Variants in ANKS1B observed in about 807,000 individuals in gnomAD.
ANKS1B encodes ankyrin repeat and sterile alpha motif domain-containing protein 1B.
Under a neutral mutation model 148.3 loss-of-function variants are expected in ANKS1B, and 36 were observed. The observed-to-expected ratio is 0.24, with a 90% CI of 0.19 to 0.32. The LOEUF (loss-of-function observed/expected upper bound fraction) is 0.32. Ranked by LOEUF, ANKS1B falls within the 10% of genes least tolerant of loss-of-function variation. ANKS1B has a pLI of 1.00. For missense variants in ANKS1B, 1,157 were observed against 1,542.6 expected (o/e 0.75, Z 4.19); for synonymous variants, 542 against 560.8 (o/e 0.97, Z 0.47).
intron 11 of ANKS1B, among the ~76,000 whole-genome samples, chr12:99,409,161 T>C (rs55671602): frequency 0.084 from 12,790 of 152,216 alleles, 1,603 homozygotes; most frequent in African/African-American, 0.27. Flanking sequence ...GGCATACTAT[T>C]CGGCTATAAA....
chr12:99,394,312 C>T (rs2094172154), intron 12 of ANKS1B, among the ~76,000 whole-genome samples: 1 of 152,144 alleles, frequency 6.6e-6, no homozygotes, highest in African/African-American at 2.4e-5. Flanking sequence ...TCTGTTCATG[C>T]TCCTGTCCAA....
At chr12:98,879,206 G>A (rs1029966292) in intron 17 of ANKS1B, among the ~76,000 whole-genome samples, 1 of 152,184 alleles carries the variant, frequency 6.6e-6, no homozygotes, top group South Asian at 2.1e-4. Flanking sequence ...ATAAGTACAG[G>A]AAACTTCATA....
chr12:99,768,838 A>C (rs1384794511), intron 8 of ANKS1B, among the ~76,000 whole-genome samples: 5 of 150,034 alleles, frequency 3.3e-5, no homozygotes, highest in African/African-American at 7.4e-5. Flanking sequence ...AAAAAAAAAA[A>C]AAAAAAAAAA....
rs372408713 is a variant in ANKS1B at position 98,751,480 on chromosome 12, C to T, written c.3622G>A (p.Glu1208Lys). 1.9e-6 allele frequency: 3 copies of T among 1,613,796 alleles called. No individual in the cohort carries two copies. Among genetic ancestry groups the T allele is most frequent in the African/African-American group, 1.3e-5 (1 of 74,882 alleles). The part of the protein sequence containing the change: ...EIILTLGQAF[E>K]VAYQLALQAR... ...TGTAGTGCTAGCTGGTAAGCGACTT[C>T]GAATGCCTGTCCCAGGGTTAGGATG... The change falls in exon 26 of 27, where the codon GAA becomes AAA. Residue 1208 changes from glutamate to lysine, a missense_variant. Around this residue, in one of 6 missense-constraint regions of ANKS1B, gnomAD observed 258 missense variants for 497.0 expected, o/e 0.52. Coordinates refer to ENST00000683438, the MANE Select transcript of ANKS1B (RefSeq NM_001352186.2). The surrounding 1 kb of genome is among the most constrained non-coding windows in gnomAD (Gnocchi z 4.3).
chr12:99,154,668 G>A lies in ANKS1B; in HGVS notation c.2420-273C>T, dbSNP rs1157502658. 9 of 1,438,318 alleles carry A rather than the reference G, an allele frequency of 6.3e-6. No individual in the cohort carries two copies. The Admixed American group carries it at 2.3e-4, about 36-fold the overall frequency. The allele number at this position is 1,438,318 out of a possible 1,614,324, so 89.1% of individuals were successfully genotyped here. A position where few individuals can be genotyped will look rare whatever the true frequency, so the allele number is the denominator to read the frequency against. ...TTACTACCGACCAGTACGTCATACA[G>A]CCCCCAAAACCAGGCAGCAGAAGAA... On this transcript the variant is annotated intron_variant, in intron 14 of 26. Coordinates refer to ENST00000683438, the MANE Select transcript of ANKS1B (RefSeq NM_001352186.2).
chr12:99,887,903 C>T (rs533722001), intron 1 of ANKS1B, among the ~76,000 whole-genome samples: 1 of 152,152 alleles, frequency 6.6e-6, no homozygotes, highest in South Asian at 2.1e-4. Flanking sequence ...AAACCAGGTA[C>T]AGAATGGTGG....
At chr12:99,617,819 C>A (rs12304756) in intron 9 of ANKS1B, among the ~76,000 whole-genome samples, 2,348 of 147,530 alleles carry the variant, frequency 0.016, 60 homozygotes, top group African/African-American at 0.054. Context: ...AAAAAAAAAA[C>A]AAAACAAAGC....
intron 1 of ANKS1B, among the ~76,000 whole-genome samples, chr12:99,918,952 A>T (rs2094260378): frequency 6.6e-6 from 1 of 152,190 alleles, no homozygotes; most frequent in African/African-American, 2.4e-5. Flanking sequence ...TTAACAGGAT[A>T]AGTTCAAGGT....
At position 99,445,254 on chromosome 12, in the gene ANKS1B, A is replaced by C. The variant is rs933824486; in HGVS notation, c.1439-1445T>G. On this transcript the variant is annotated intron_variant, in intron 10 of 26. Transcript: ENST00000683438. ...CCTTCCTTCTTTCATTCATCTAAAA[A>C]CTACACATGTAAGAACACTTATTTG... Among the ~76,000 whole-genome samples the C allele has an allele frequency of 4.6e-5, 7 of 152,126 alleles. No homozygotes were observed. The East Asian group carries it at 1.4e-3, about 30-fold the overall frequency.
intron 1 of ANKS1B, among the ~76,000 whole-genome samples, chr12:99,960,963 C>T (rs1482491516): frequency 6.6e-6 from 1 of 152,154 alleles, no homozygotes; most frequent in Non-Finnish European, 1.5e-5. Flanking sequence ...CATGATGGCT[C>T]ACACCTGTAA....
intron 1 of ANKS1B, among the ~76,000 whole-genome samples, chr12:99,936,654 G>T (rs535729711): frequency 6.6e-6 from 1 of 152,186 alleles, no homozygotes; most frequent in East Asian, 1.9e-4. Context: ...ACCTCTGTTT[G>T]CTGTACTCTT....
intron 9 of ANKS1B, among the ~76,000 whole-genome samples, chr12:99,638,537 C>T (rs2098267402): frequency 6.6e-6 from 1 of 152,126 alleles, no homozygotes; most frequent in Non-Finnish European, 1.5e-5. Context: ...TTTAGGGTAT[C>T]TGGTGGAAGA....
chr12:99,576,008 T>A (rs1029969427), intron 9 of ANKS1B, among the ~76,000 whole-genome samples: 1 of 151,968 alleles, frequency 6.6e-6, no homozygotes, highest in Non-Finnish European at 1.5e-5. Context: ...GAGACCCATC[T>A]CACATGCAAT....
chr12:99,616,448 G>A (rs1215518469), intron 9 of ANKS1B, among the ~76,000 whole-genome samples: 1 of 152,020 alleles, frequency 6.6e-6, no homozygotes. Context: ...CAGATATACA[G>A]ACCAATGGAA....
intron 11 of ANKS1B, among the ~76,000 whole-genome samples, chr12:99,439,504 G>A (rs1008761121): frequency 6.6e-6 from 1 of 151,642 alleles, no homozygotes; most frequent in Non-Finnish European, 1.5e-5. Flanking sequence ...GAGGTGAGCA[G>A]ATACTTCACA....
At chr12:99,002,004 T>A (rs1238860495) in intron 17 of ANKS1B, among the ~76,000 whole-genome samples, 3 of 152,224 alleles carry the variant, frequency 2.0e-5, no homozygotes, top group Admixed American at 1.3e-4. Context: ...AAAGACTGAA[T>A]AAGATTTTCT....
chr12:98,894,652 G>A (rs1395499201), intron 17 of ANKS1B: 10 of 985,302 alleles, frequency 1.0e-5, no homozygotes, highest in Admixed American at 6.1e-5. Flanking sequence ...GGCTGGCCGC[G>A]AGCCGGGATC....
At position 98,909,893 on chromosome 12, in the gene ANKS1B, A is replaced by G. The variant is rs76467747; in HGVS notation, c.2779-77757T>C. Among the ~76,000 whole-genome samples, 780 of 152,346 alleles carry G rather than the reference A, an allele frequency of 5.1e-3. 9 individuals are homozygous for G. The highest frequency in any genetic ancestry group is 0.018 in the African/African-American group (742 of 41,584). On this transcript the variant is annotated intron_variant, in intron 17 of 26. Transcript: ENST00000683438. ...TACAGCTCCCCTTTCAGCAAGTACC[A>G]GCTTTCTCTGCTGAGGCTGATACAG...
intron 4 of ANKS1B, among the ~76,000 whole-genome samples, chr12:99,782,909 G>C (rs1274876156): frequency 6.6e-6 from 1 of 152,112 alleles, no homozygotes; most frequent in African/African-American, 2.4e-5. Flanking sequence ...ATGCATTTAG[G>C]CTGGGCGCAG....
Sources: allele counts gnomAD v4.1 joint callset (sites outside exome capture counted in the v4.1 genomes callset), GRCh38; gene constraint gnomAD v4.1.1; regional missense constraint gnomAD v4.1.1; non-coding constraint Gnocchi (gnomAD v3.1); transcripts MANE v1.5; gene names NCBI Gene and HGNC (gene_info 2026-07-23, HGNC 2026-07-21).